The following NEGR1 variants were observed in gnomAD, a reference collection of about 807,000 sequenced individuals.
The protein encoded by NEGR1 is neuronal growth regulator 1.
Under a neutral mutation model 40.9 loss-of-function variants are expected in NEGR1, and 10 were observed. That is an observed-to-expected ratio of 0.24 (90% CI 0.15 to 0.42). The LOEUF (loss-of-function observed/expected upper bound fraction) is 0.42. NEGR1 is among the 10% of genes least tolerant of loss of function. The probability of loss-of-function intolerance (pLI) is 1.00; values close to 1 mark genes in which losing one functional copy is unlikely to be tolerated. For synonymous variants in NEGR1, 185 were observed against 166.8 expected, an observed-to-expected ratio of 1.11 and a Z score of -0.84; for missense variants, 352 against 438.9, an observed-to-expected ratio of 0.80 and a Z score of 1.77.
At chr1:71,944,859 C>CA (rs1646002587) in intron 1 of NEGR1, among the ~76,000 whole-genome samples, 2 of 152,104 alleles carry the variant, frequency 1.3e-5, no homozygotes, top group African/African-American at 4.8e-5. Flanking sequence ...GCCTTGCAAT[C>CA]AGTTACTATA....
chr1:72,009,953 CAG>C, intron 1 of NEGR1, among the ~76,000 whole-genome samples: 1 of 152,032 alleles, frequency 6.6e-6, no homozygotes, highest in Non-Finnish European at 1.5e-5. Context: ...TATTCAAAAG[CAG>C]AGACTGGAAT....
intron 6 of NEGR1, among the ~76,000 whole-genome samples, chr1:71,502,151 C>T (rs1647003784): frequency 6.6e-6 from 1 of 152,134 alleles, no homozygotes; most frequent in Non-Finnish European, 1.5e-5. Flanking sequence ...TAACAAACTG[C>T]ATTGCTCATG....
chr1:71,870,502 G>A (rs1444284954), intron 2 of NEGR1, among the ~76,000 whole-genome samples: 1 of 152,028 alleles, frequency 6.6e-6, no homozygotes, highest in Non-Finnish European at 1.5e-5. Context: ...AGAAATTGGT[G>A]GATGACATTA....
chr1:71,785,726 A>G (rs915896954), intron 2 of NEGR1, among the ~76,000 whole-genome samples: 3 of 152,196 alleles, frequency 2.0e-5, no homozygotes, highest in African/African-American at 7.2e-5. Context: ...GTGTCAAACT[A>G]GAACCCAGCT....
At chr1:72,258,932 A>G (rs1032573584) in intron 1 of NEGR1, among the ~76,000 whole-genome samples, 14 of 152,148 alleles carry the variant, frequency 9.2e-5, no homozygotes, top group Non-Finnish European at 1.8e-4. Flanking sequence ...AATTCTCCAC[A>G]TACCTTCATT....
chr1:71,568,242 C>T (rs1365502209), intron 6 of NEGR1, among the ~76,000 whole-genome samples: 2 of 152,134 alleles, frequency 1.3e-5, no homozygotes, highest in Non-Finnish European at 2.9e-5. Context: ...CTTTTAAAAC[C>T]TCCTTGATGG....
At chr1:71,855,802 T>A (rs1570435993) in intron 2 of NEGR1, among the ~76,000 whole-genome samples, 2 of 152,164 alleles carry the variant, frequency 1.3e-5, no homozygotes, top group East Asian at 3.9e-4. Context: ...AAGGTAAAAT[T>A]ATTTCTATTA....
rs1646235772 is a variant in NEGR1 at position 71,399,861 on chromosome 1, T to C, written c.*7585A>G. 6.6e-6 allele frequency: 1 copy of C among 152,216 alleles called. No homozygotes were observed. The highest frequency in any genetic ancestry group is 1.5e-5 in the Non-Finnish European group (1 of 68,038). The allele number at this position is 152,216 out of a possible 1,614,324, so 9.4% of individuals were successfully genotyped here. On this transcript the variant is annotated 3_prime_UTR_variant, in exon 7 of 7. Coordinates refer to ENST00000357731, the MANE Select transcript of NEGR1 (RefSeq NM_173808.3). ...TATGGAAGAGTTCTGTGGCTCTTAC[T>C]AGGTATTTTTAGAACAATCAAGAGA...
At position 71,418,014 on chromosome 1, in the gene NEGR1, T is replaced by C. The variant is rs1308986437; in HGVS notation, c.941-10444A>G. ...CCACTAAACAAATAATGCTTAAGTA[T>C]CTATACATGCTCAGTGATCACCTGC... On this transcript the variant is annotated intron_variant, in intron 6 of 6. Coordinates refer to ENST00000357731, the MANE Select transcript of NEGR1 (RefSeq NM_173808.3). 2.0e-5 allele frequency among the ~76,000 whole-genome samples: 3 copies of C among 151,710 alleles called. No individual in the cohort carries two copies. The East Asian group carries it at 5.8e-4, about 29-fold the overall frequency.
intron 2 of NEGR1, among the ~76,000 whole-genome samples, chr1:71,920,468 G>T (rs1485426259): frequency 1.3e-5 from 2 of 152,054 alleles, no homozygotes; most frequent in African/African-American, 4.8e-5. Flanking sequence ...CAAAAGCTGG[G>T]TATGATCCTA....
At chr1:71,960,322 C>A (rs1321359769) in intron 1 of NEGR1, among the ~76,000 whole-genome samples, 4 of 152,126 alleles carry the variant, frequency 2.6e-5, no homozygotes, top group Non-Finnish European at 5.9e-5. Context: ...TTCTTTGGAA[C>A]TCACTTCTTG....
chr1:72,177,473 C>T (rs944948065), intron 1 of NEGR1, among the ~76,000 whole-genome samples: 3 of 151,976 alleles, frequency 2.0e-5, no homozygotes, highest in African/African-American at 4.8e-5. Context: ...ACTAATAGTA[C>T]ATTGAACATC....
intron 3 of NEGR1, among the ~76,000 whole-genome samples, chr1:71,731,409 C>T (rs1654862395): frequency 6.6e-6 from 1 of 152,158 alleles, no homozygotes; most frequent in South Asian, 2.1e-4. Flanking sequence ...GAGGAGTATT[C>T]ACCCTGGTGT....
chr1:71,816,310 C>A (rs553630053), intron 2 of NEGR1, among the ~76,000 whole-genome samples: 8 of 152,028 alleles, frequency 5.3e-5, no homozygotes, highest in Non-Finnish European at 1.0e-4. Flanking sequence ...TGCACTTTTA[C>A]CATCTTAGCA....
intron 1 of NEGR1, among the ~76,000 whole-genome samples, chr1:72,117,055 G>T (rs1194155081): frequency 6.6e-6 from 1 of 151,706 alleles, no homozygotes; most frequent in African/African-American, 2.4e-5. Context: ...TCAGAAAAAA[G>T]TGATGGCACT....
chr1:71,974,601 G>C (rs1015667089), intron 1 of NEGR1, among the ~76,000 whole-genome samples: 1 of 152,046 alleles, frequency 6.6e-6, no homozygotes, highest in Non-Finnish European at 1.5e-5. Flanking sequence ...ATCCTAATCT[G>C]CTAGAAATAT....
chr1:72,272,962 A>T (rs1655894020), intron 1 of NEGR1, among the ~76,000 whole-genome samples: 1 of 150,248 alleles, frequency 6.7e-6, no homozygotes, highest in Admixed American at 6.7e-5. Context: ...TCCTTTTCTT[A>T]GAGAAAGTGA....
At chr1:72,113,427 C>T (rs958926787) in intron 1 of NEGR1, among the ~76,000 whole-genome samples, 4 of 139,870 alleles carry the variant, frequency 2.9e-5, no homozygotes, top group Non-Finnish European at 6.5e-5. Flanking sequence ...AGTGAGTAAG[C>T]TTTTATACAA....
At chr1:72,091,900 T>C (rs181938925) in intron 1 of NEGR1, among the ~76,000 whole-genome samples, 1 of 151,450 alleles carries the variant, frequency 6.6e-6, no homozygotes, top group African/African-American at 2.4e-5. Context: ...TCACATAACG[T>C]GTGTGTGTGT....
Sources: allele counts gnomAD v4.1 joint callset (sites outside exome capture counted in the v4.1 genomes callset), GRCh38; gene constraint gnomAD v4.1.1; transcripts MANE v1.5; gene names NCBI Gene and HGNC (gene_info 2026-07-23, HGNC 2026-07-21).